Variants in BTBD16 observed in about 807,000 individuals in gnomAD.
BTBD16 encodes the protein BTB/POZ domain-containing protein 16.
Under a neutral mutation model 67.4 loss-of-function variants are expected in BTBD16, and 66 were observed. The observed-to-expected ratio is 0.98, with a 90% CI of 0.80 to 1.20. The LOEUF (loss-of-function observed/expected upper bound fraction) is 1.20, where lower values mean the gene tolerates loss of function less well. Among genes scored for constraint, BTBD16 ranks in the 50% most tolerant of loss-of-function variants. The probability of loss-of-function intolerance (pLI) is 0.00; values close to 1 mark genes in which losing one functional copy is unlikely to be tolerated. For synonymous variants in BTBD16, 242 were observed against 236.4 expected (o/e 1.02, Z -0.22); for missense variants, 634 against 616.0 (o/e 1.03, Z -0.31).
chr10:122,310,840 A>T (rs1356090591), intron 10 of BTBD16, among the ~76,000 whole-genome samples: 1 of 152,238 alleles, frequency 6.6e-6, no homozygotes, highest in Non-Finnish European at 1.5e-5. Flanking sequence ...GACAAGCTGA[A>T]CAAATATTAG....
chr10:122,291,243 G>A (rs776891737), intron 7 of BTBD16, 49 bp downstream of exon 7: 45 of 1,579,520 alleles, frequency 2.8e-5, no homozygotes, highest in Non-Finnish European at 3.4e-5. Flanking sequence ...GGGGGAAATC[G>A]GAAGGGCAAT....
At chr10:122,336,196 C>T (rs935420446) in intron 14 of BTBD16, among the ~76,000 whole-genome samples, 2 of 152,190 alleles carry the variant, frequency 1.3e-5, no homozygotes, top group Admixed American at 6.5e-5. Context: ...GTCCAAATGC[C>T]CTTATGAGTA....
At chr10:122,304,956 T>A (rs1444154395) in intron 9 of BTBD16, among the ~76,000 whole-genome samples, 1 of 152,142 alleles carries the variant, frequency 6.6e-6, no homozygotes, top group Non-Finnish European at 1.5e-5. Flanking sequence ...CACATATCCA[T>A]AAGAGCTTCC....
At chr10:122,286,361 TA>T in intron 5 of BTBD16, 113 bp downstream of exon 5, 3 of 1,433,270 alleles carry the variant, frequency 2.1e-6, no homozygotes, top group Non-Finnish European at 2.8e-6. Context: ...CAGTCAAGAG[TA>T]AGGCTCCACA....
At chr10:122,300,262 C>T (rs559436185) in intron 9 of BTBD16, among the ~76,000 whole-genome samples, 12 of 152,022 alleles carry the variant, frequency 7.9e-5, no homozygotes, top group South Asian at 4.2e-4. Context: ...TCAAATTTAA[C>T]GTTGCAAGAA....
At chr10:122,283,655 A>G (rs2096357496) in intron 3 of BTBD16, among the ~76,000 whole-genome samples, 196 bp from the exon 4 acceptor site, 1 of 152,214 alleles carries the variant, frequency 6.6e-6, no homozygotes, top group African/African-American at 2.4e-5. Flanking sequence ...CAATCACATT[A>G]TGAGCCAGCT....
Position 122,286,240 on chromosome 10 carries a change from T to A in BTBD16, c.377T>A (p.Leu126His), listed in dbSNP as rs762882167. ...TTHPLRELEE[L>H]LRAQSPKKTK... ...CACCCCCTGAGGGAGCTGGAGGAGC[T>A]TCTGCGAGGTACTTCCTCCCTGGCA... Residue 126 changes from leucine to histidine, a missense_variant, in exon 5 of 16, where the codon CTT becomes CAT. Leu to His is a moderately conservative substitution (Grantham distance 99). Transcript: ENST00000260723. 8 of 1,606,900 alleles carry A rather than the reference T, an allele frequency of 5.0e-6. No individual in the cohort carries two copies. In the South Asian group the frequency reaches 6.6e-5, roughly 13 times the overall value.
chr10:122,284,121 T>C (rs1214381876), intron 4 of BTBD16, among the ~76,000 whole-genome samples, 197 bp downstream of exon 4: 2 of 152,170 alleles, frequency 1.3e-5, no homozygotes, highest in Non-Finnish European at 2.9e-5. Context: ...AAGTCAAGCT[T>C]GGTAAACACA....
rs571303188 is a variant in BTBD16 at position 122,297,892 on chromosome 10, C to T, written c.660+55C>T. ...CCCTTGGGGGGGCCTTCAGGAGCAG[C>T]CTAGATGCTGGGATTTTACCCACCA... On this transcript the variant is annotated intron_variant, in intron 8 of 15. Transcript: ENST00000260723. 2.6e-6 allele frequency: 4 copies of T among 1,547,150 alleles called. No homozygotes were observed. The African/African-American group carries it at 4.1e-5, about 16-fold the overall frequency.
chr10:122,276,810 G>A lies in BTBD16; in HGVS notation c.38G>A (p.Arg13His), dbSNP rs560183152. 8 of 1,614,182 alleles carry A rather than the reference G, an allele frequency of 5.0e-6. No homozygotes were observed. Among genetic ancestry groups the A allele is most frequent in the East Asian group, 2.2e-5 (1 of 44,886 alleles). ...AAGCAGCACAAAGCTCGGCTGGAAC[G>A]CCGGGTCACTGGCTCAACCAACCGG... The part of the protein sequence containing the change: ...MSNTHKARLE[R>H]RVTGSTNRWR... The change falls in exon 3 of 16, where the codon CGC (arginine) becomes CAC (histidine). Residue 13 changes from arginine (R) to histidine (H), a missense_variant. Transcript: ENST00000260723.
At chr10:122,299,405 T>C (rs2096389843) in intron 9 of BTBD16, among the ~76,000 whole-genome samples, 1 of 151,878 alleles carries the variant, frequency 6.6e-6, no homozygotes, top group Non-Finnish European at 1.5e-5. Context: ...ATGAAAGACT[T>C]AATTACCTAA....
chr10:122,274,582 G>T (rs1362467868), intron 1 of BTBD16, among the ~76,000 whole-genome samples: 1 of 152,154 alleles, frequency 6.6e-6, no homozygotes, highest in Non-Finnish European at 1.5e-5. Flanking sequence ...GAAAGTCCTT[G>T]CACTCTTCCT....
intron 9 of BTBD16, 40 bp from the exon 10 acceptor site, chr10:122,307,149 T>G (rs751271464): frequency 1.3e-6 from 2 of 1,568,272 alleles, no homozygotes; most frequent in Non-Finnish European, 1.7e-6. Context: ...GATTTTGTGC[T>G]ATTTCTGAAA....
At chr10:122,285,551 G>C (rs1295198265) in intron 4 of BTBD16, among the ~76,000 whole-genome samples, 1 of 152,074 alleles carries the variant, frequency 6.6e-6, no homozygotes, top group African/African-American at 2.4e-5. Context: ...GCTTCATTGC[G>C]GACACTTGGC....
At chr10:122,324,939 C>T (rs993554038) in intron 10 of BTBD16, among the ~76,000 whole-genome samples, 2 of 152,188 alleles carry the variant, frequency 1.3e-5, no homozygotes, top group Non-Finnish European at 2.9e-5. Flanking sequence ...TTAAAAAGGG[C>T]AGCTGTGGTT....
intron 10 of BTBD16, among the ~76,000 whole-genome samples, chr10:122,309,016 A>T (rs2096408707): frequency 6.6e-6 from 1 of 152,160 alleles, no homozygotes; most frequent in Admixed American, 6.5e-5. Flanking sequence ...GTTCATGTAT[A>T]TGTCCTGCCC....
At chr10:122,284,410 C>A (rs1041188233) in intron 4 of BTBD16, among the ~76,000 whole-genome samples, 3 of 151,672 alleles carry the variant, frequency 2.0e-5, no homozygotes, top group Non-Finnish European at 4.4e-5. Flanking sequence ...GACTGCACCA[C>A]TGCACTCCAG....
At chr10:122,311,405 C>A (rs960747703) in intron 10 of BTBD16, among the ~76,000 whole-genome samples, 2 of 152,218 alleles carry the variant, frequency 1.3e-5, no homozygotes, top group Admixed American at 6.5e-5. Context: ...CACCACTCTA[C>A]ACTCTACAGC....
At position 122,276,819 on chromosome 10, in the gene BTBD16, C is replaced by T; in HGVS notation, c.47C>T (p.Thr16Ile). Residue 16 changes from threonine (T) to isoleucine (I), a missense_variant, in exon 3 of 16, where the codon ACT becomes ATT. Thr to Ile is a moderately conservative substitution (Grantham distance 89, BLOSUM62 -1). Transcript: ENST00000260723. ...AAAGCTCGGCTGGAACGCCGGGTCA[C>T]TGGCTCAACCAACCGGTGGCGTTTG... ...THKARLERRV[T>I]GSTNRWRLPK... 1 of 1,614,268 alleles carries T rather than the reference C, an allele frequency of 6.2e-7. No homozygotes were observed. The highest frequency in any genetic ancestry group is 8.5e-7 in the Non-Finnish European group (1 of 1,180,042).
Sources: gnomAD v4.1 joint callset for allele counts (sites outside exome capture counted in the v4.1 genomes callset) on GRCh38, gnomAD v4.1.1 for gene constraint, MANE v1.5 for transcripts, NCBI Gene and HGNC (gene_info 2026-07-23, HGNC 2026-07-21) for gene names.